The following SPATS2L variants were observed in gnomAD, a reference collection of about 807,000 sequenced individuals.
SPATS2L encodes the protein SPATS2-like protein.
SPATS2L carries 30 observed loss-of-function variants against 59.6 expected under a neutral mutation model. The ratio of observed to expected loss-of-function variants is 0.50; its 90% CI spans 0.38 to 0.68. SPATS2L has a LOEUF of 0.68. Ranked by LOEUF, SPATS2L falls within the 30% of genes least tolerant of loss-of-function variation. The pLI, the probability that SPATS2L is intolerant of heterozygous loss-of-function variation, is 0.00. For missense variants in SPATS2L, 615 were observed against 700.0 expected (o/e 0.88, Z 1.37); for synonymous variants, 252 against 263.5 (o/e 0.96, Z 0.42).
chr2:200,460,758 A>T (rs1397357893), intron 9 of SPATS2L: 1 of 151,932 alleles, frequency 6.6e-6, no homozygotes, highest in Non-Finnish European at 1.5e-5. Flanking sequence ...CTCAAAAAAA[A>T]TAATAATAAT....
intron 2 of SPATS2L, among the ~76,000 whole-genome samples, chr2:200,355,575 A>T (rs1018018521): frequency 6.6e-6 from 1 of 152,210 alleles, no homozygotes; most frequent in African/African-American, 2.4e-5. Context: ...TGTTCTTCAC[A>T]GCTGCTTTAC....
At chr2:200,308,019 CT>C (rs975994079) in intron 1 of SPATS2L, among the ~76,000 whole-genome samples, 3 of 150,072 alleles carry the variant, frequency 2.0e-5, no homozygotes, top group Admixed American at 2.0e-4. Flanking sequence ...AGCCGACAGA[CT>C]TTAAGACAAA....
intron 1 of SPATS2L, among the ~76,000 whole-genome samples, chr2:200,314,818 A>G (rs1156719611): frequency 1.3e-5 from 2 of 152,150 alleles, no homozygotes; most frequent in African/African-American, 4.8e-5. Flanking sequence ...TGTAAAATAC[A>G]CCATGCTTTG....
At chr2:200,358,861 A>G (rs890653648) in intron 2 of SPATS2L, among the ~76,000 whole-genome samples, 1 of 151,896 alleles carries the variant, frequency 6.6e-6, no homozygotes, top group Non-Finnish European at 1.5e-5. Context: ...GGCAGTGCAC[A>G]CCTGTGGTCC....
At position 200,306,721 on chromosome 2, in the gene SPATS2L, G is replaced by T; in HGVS notation, c.-274G>T. The T allele has an allele frequency of 1.0e-6, 1 of 977,050 alleles. No homozygotes were observed. Among genetic ancestry groups the T allele is most frequent in the Non-Finnish European group, 1.2e-6 (1 of 826,918 alleles). The allele number at this position is 977,050 out of a possible 1,614,324, so 60.5% of individuals were successfully genotyped here. A position where few individuals can be genotyped will look rare whatever the true frequency, so the allele number is the denominator to read the frequency against. On this transcript the variant is annotated 5_prime_UTR_variant, in exon 1 of 13. Transcript: ENST00000409140. The stretch of plus-strand genomic sequence containing the variant: ...TGTGTCAGTGAAGGAATCCAGTCCG[G>T]GGGCCGAGCTGGCTGCGCCCTCCGC...
chr2:200,372,304 T>A, intron 2 of SPATS2L: 1 of 588,554 alleles, frequency 1.7e-6, no homozygotes, highest in Non-Finnish European at 2.1e-6. Flanking sequence ...CAGCTTCTGC[T>A]TGAACAGATT....
intron 6 of SPATS2L, among the ~76,000 whole-genome samples, chr2:200,424,807 T>C (rs1281460050): frequency 6.6e-6 from 1 of 152,082 alleles, no homozygotes; most frequent in Non-Finnish European, 1.5e-5. Context: ...GGGGCAGGGC[T>C]TTCCCTCTCT....
chr2:200,368,836 A>G (rs918147969), intron 2 of SPATS2L, among the ~76,000 whole-genome samples: 2 of 152,218 alleles, frequency 1.3e-5, no homozygotes, highest in African/African-American at 4.8e-5. Flanking sequence ...GGTACTCCTA[A>G]AGCTCCTCAA....
At chr2:200,321,849 CG>C (rs2079568829) in intron 1 of SPATS2L, among the ~76,000 whole-genome samples, 1 of 151,968 alleles carries the variant, frequency 6.6e-6, no homozygotes, top group Non-Finnish European at 1.5e-5. Flanking sequence ...AAGTCTGTTA[CG>C]CCCATTTTTC....
At chr2:200,368,139 C>G (rs296790) in intron 2 of SPATS2L, among the ~76,000 whole-genome samples, 85,848 of 151,848 alleles carry the variant, frequency 0.57, 25,003 homozygotes, top group African/African-American at 0.68. Flanking sequence ...AGCAGGAATC[C>G]CGAACTTCTC....
chr2:200,330,634 C>A (rs982526674), intron 2 of SPATS2L, among the ~76,000 whole-genome samples: 1 of 152,150 alleles, frequency 6.6e-6, no homozygotes, highest in Non-Finnish European at 1.5e-5. Context: ...CAGCCTTCTA[C>A]CCATCAGACA....
At chr2:200,416,328 G>T in intron 4 of SPATS2L, 51 bp from the exon 5 acceptor site, 1 of 944,488 alleles carries the variant, frequency 1.1e-6, no homozygotes, top group Non-Finnish European at 1.5e-6. Context: ...TGAATTTTGT[G>T]TGGTGTTTTA....
At chr2:200,350,424 A>G (rs1247648649) in intron 2 of SPATS2L, among the ~76,000 whole-genome samples, 1 of 152,236 alleles carries the variant, frequency 6.6e-6, no homozygotes, top group African/African-American at 2.4e-5. Context: ...AAAACAGATC[A>G]GCACAGTGTT....
chr2:200,473,146 TG>T, intron 12 of SPATS2L, 94 bp downstream of exon 12: 1 of 1,244,108 alleles, frequency 8.0e-7, no homozygotes, highest in Non-Finnish European at 1.1e-6. Context: ...CTGGGCCTCC[TG>T]GGGTCACACT....
At chr2:200,462,572 A>G (rs1426182317) in intron 9 of SPATS2L, among the ~76,000 whole-genome samples, 1 of 152,134 alleles carries the variant, frequency 6.6e-6, no homozygotes. Context: ...TCCAACCTCC[A>G]TCTCTAACTG....
intron 2 of SPATS2L, among the ~76,000 whole-genome samples, chr2:200,336,265 A>G (rs1203545023): frequency 1.3e-5 from 2 of 152,166 alleles, no homozygotes; most frequent in Non-Finnish European, 2.9e-5. Context: ...ATTTATATTC[A>G]CCTTGTTTAA....
chr2:200,437,311 C>T (rs996389856), intron 6 of SPATS2L, among the ~76,000 whole-genome samples: 7 of 152,134 alleles, frequency 4.6e-5, no homozygotes, highest in African/African-American at 1.7e-4. Flanking sequence ...ATTGTTTTAA[C>T]ACAAATGTTT....
In SPATS2L at chr2:200,478,066, T is replaced by C; in HGVS notation, c.*35T>C. The C allele has an allele frequency of 1.3e-6, 2 of 1,512,730 alleles. No homozygotes were observed. The highest frequency in any genetic ancestry group is 1.8e-6 in the Non-Finnish European group (2 of 1,132,604). 93.7% of individuals were successfully genotyped at this position (1,512,730 alleles called of 1,614,324 possible). ...AAAAAGAGCAGTTTTCACTCAGTTTTGGTTCCCTGCCCGAGGTGCTGACCC... is the reference window on the plus strand; with the variant it reads ...AAAAAGAGCAGTTTTCACTCAGTTTCGGTTCCCTGCCCGAGGTGCTGACCC... On this transcript the variant is annotated 3_prime_UTR_variant, in exon 13 of 13. Transcript: ENST00000409140.
chr2:200,372,109 C>T (rs2081444888), intron 2 of SPATS2L: 1 of 985,418 alleles, frequency 1.0e-6, no homozygotes, highest in African/African-American at 1.7e-5. Flanking sequence ...TTGCTTCAAG[C>T]TTTCAGACAA....
Sources: gnomAD v4.1 joint callset for allele counts (sites outside exome capture counted in the v4.1 genomes callset) on GRCh38, gnomAD v4.1.1 for gene constraint, MANE v1.5 for transcripts, NCBI Gene and HGNC (gene_info 2026-07-23, HGNC 2026-07-21) for gene names.